The following AMDHD1 variants were observed in gnomAD, a reference collection of about 807,000 sequenced individuals.
AMDHD1 encodes the protein amidohydrolase domain containing 1, also known as probable imidazolonepropionase.
A neutral mutation model predicts 44.1 loss-of-function variants in AMDHD1; 45 were observed. That is an observed-to-expected ratio of 1.02 (90% confidence interval 0.80 to 1.31). The LOEUF is 1.31. Among genes scored for constraint, AMDHD1 ranks in the 50% most tolerant of loss-of-function variants. The pLI is 0.00. For missense variants in AMDHD1, 586 were observed against 552.1 expected (o/e 1.06, Z -0.61); for synonymous variants, 206 against 205.0 (o/e 1.00, Z -0.04).
chr12:95,964,279 C>G (rs1168034048), intron 6 of AMDHD1, among the ~76,000 whole-genome samples: 2 of 152,160 alleles, frequency 1.3e-5, no homozygotes, highest in African/African-American at 4.8e-5. Context: ...TTTTTCTGAT[C>G]TCTGCATCAG....
chr12:95,952,876 T>C, intron 2 of AMDHD1, 53 bp downstream of exon 2: 1 of 1,071,832 alleles, frequency 9.3e-7, no homozygotes, highest in Non-Finnish European at 1.4e-6. Context: ...CAGTTGCTCC[T>C]GAAATGTAAA....
chr12:95,963,086 C>T (rs979350323), intron 6 of AMDHD1, among the ~76,000 whole-genome samples: 1 of 152,206 alleles, frequency 6.6e-6, no homozygotes, highest in Non-Finnish European at 1.5e-5. Context: ...TCTTCTGACA[C>T]TTCCCATTGT....
intron 8 of AMDHD1, 112 bp from the exon 9 acceptor site, chr12:95,967,644 G>C: frequency 1.3e-6 from 1 of 795,082 alleles, no homozygotes; most frequent in Non-Finnish European, 1.9e-6. Flanking sequence ...CATTGACTGG[G>C]TGTAAATAAA....
In AMDHD1 at chr12:95,949,140, T is replaced by TAAAAA. The variant is rs1170844527; in HGVS notation, c.138-3562_138-3558dup. On this transcript the variant is annotated intron_variant, in intron 1 of 8. Coordinates refer to ENST00000266736, the MANE Select transcript of AMDHD1 (RefSeq NM_152435.3). ...AAGAATTATCAATAAAAAAATAAAT[T>TAAAAA]AAAAAAAAAAAAAAAAAAAGAAAAA... Among the ~76,000 whole-genome samples the TAAAAA allele has an allele frequency of 5.2e-3, 23 of 4,454 alleles. 1 individual carries two copies. Among genetic ancestry groups the TAAAAA allele is most frequent in the Non-Finnish European group, 6.0e-3 (19 of 3,154 alleles). The allele number at this position is 4,454 out of a possible 152,430, so 2.9% of individuals were successfully genotyped here. A position where few individuals can be genotyped will look rare whatever the true frequency, so the allele number is the denominator to read the frequency against.
At chr12:95,961,417 G>A (rs770911396) in intron 5 of AMDHD1, among the ~76,000 whole-genome samples, 105 of 152,230 alleles carry the variant, frequency 6.9e-4, no homozygotes, top group Non-Finnish European at 1.3e-3. Context: ...TGTGTGCCAG[G>A]CACTGTTTTA....
At chr12:95,944,239 A>G (rs1325296288) in intron 1 of AMDHD1, among the ~76,000 whole-genome samples, 2 of 152,190 alleles carry the variant, frequency 1.3e-5, no homozygotes, top group South Asian at 2.1e-4. Flanking sequence ...CACACGATCA[A>G]TGAGTCTCAC....
In AMDHD1 at chr12:95,944,390, C is replaced by T. The variant is rs568387519; in HGVS notation, c.137+855C>T. Among the ~76,000 whole-genome samples the T allele has an allele frequency of 7.4e-4, 111 of 150,428 alleles. 1 individual carries two copies. The highest frequency in any genetic ancestry group is 6.1e-3 in the South Asian group (29 of 4,744). The stretch of plus-strand genomic sequence containing the variant: ...TTATTTATTTTTGAGACGCATGAGC[C>T]ACTGCGCCCAGCCTATTTTTTGTTT... On this transcript the variant is annotated intron_variant, in intron 1 of 8. Transcript: ENST00000266736.
At position 95,968,510 on chromosome 12, in the gene AMDHD1, T is replaced by A. The variant is rs1367685628; in HGVS notation, c.*667T>A. 6.6e-6 allele frequency: 1 copy of A among 152,198 alleles called. No individual in the cohort carries two copies. Among genetic ancestry groups the A allele is most frequent in the Non-Finnish European group, 1.5e-5 (1 of 68,038 alleles). The allele number at this position is 152,198 out of a possible 1,614,324, so 9.4% of individuals were successfully genotyped here. ...TACAATCATGTAATTTTTTTGGAAA[T>A]TTTTTAAAATTTTCGATTCTTTACA... On this transcript the variant is annotated 3_prime_UTR_variant, in exon 9 of 9. Coordinates refer to ENST00000266736, the MANE Select transcript of AMDHD1 (RefSeq NM_152435.3).
chr12:95,951,857 C>A (rs1393130839), intron 1 of AMDHD1, among the ~76,000 whole-genome samples: 1 of 152,130 alleles, frequency 6.6e-6, no homozygotes, highest in South Asian at 2.1e-4. Context: ...TTTTCATATA[C>A]CTGTTTGCCA....
At chr12:95,952,571 GC>G (rs2080529898) in intron 1 of AMDHD1, 145 bp from the exon 2 acceptor site, 1 of 573,256 alleles carries the variant, frequency 1.7e-6, no homozygotes, top group Non-Finnish European at 3.1e-6. Context: ...GGCTAGAGAC[GC>G]TTTTCCAGAC....
rs144167274 is a variant in AMDHD1, at chr12:95,962,413, G to A, written c.872G>A (p.Gly291Asp). ...CACCTGGAAGAAGTGAGTGATGAAG[G>A]CATCGTTGCCATGGCAACGGCCAGG... Reference protein sequence around the residue: ...ISHLEEVSDEGIVAMATARCS... With the variant: ...ISHLEEVSDEDIVAMATARCS... Residue 291 changes from glycine to aspartate, a missense_variant, in exon 6 of 9, where the codon GGC (glycine) becomes GAC (aspartate). Physicochemically the swap from Gly to Asp is moderately conservative, Grantham distance 94. Transcript: ENST00000266736. 1 of 1,613,910 alleles carries A rather than the reference G, an allele frequency of 6.2e-7. No homozygotes were observed. Among genetic ancestry groups the A allele is most frequent in the Non-Finnish European group, 8.5e-7 (1 of 1,179,902 alleles).
chr12:95,953,421 A>G (rs185531541), intron 2 of AMDHD1, among the ~76,000 whole-genome samples: 2 of 152,242 alleles, frequency 1.3e-5, no homozygotes, highest in Non-Finnish European at 2.9e-5. Flanking sequence ...ATCATCTCCT[A>G]CATTATGTTG....
intron 1 of AMDHD1, among the ~76,000 whole-genome samples, chr12:95,943,970 A>C (rs908188458): frequency 2.0e-5 from 3 of 152,072 alleles, no homozygotes; most frequent in Non-Finnish European, 2.9e-5. Context: ...GAGTTCTGAG[A>C]CCTGAATTTT....
At chr12:95,967,735 T>TG (rs1491305788) in intron 8 of AMDHD1, 21 bp from the exon 9 acceptor site, 5 of 1,273,792 alleles carry the variant, frequency 3.9e-6, no homozygotes, top group African/African-American at 4.3e-5. Context: ...TAATATTTGT[T>TG]GTTTTTTTTT....
In AMDHD1 at chr12:95,965,667, A is replaced by C. The variant is rs754650753; in HGVS notation, c.939-19A>C. The C allele has an allele frequency of 1.9e-6, 3 of 1,578,962 alleles. No homozygotes were observed. Among genetic ancestry groups the C allele is most frequent in the Non-Finnish European group, 2.6e-6 (3 of 1,154,556 alleles). On this transcript the variant is annotated intron_variant, in intron 6 of 8. Transcript: ENST00000266736. ...AAGCTCCCATTCTAGAGACTGACATATTTTTTTCCTCCCCTTAGACTGAAA... is the reference window on the plus strand; with the variant it reads ...AAGCTCCCATTCTAGAGACTGACATCTTTTTTTCCTCCCCTTAGACTGAAA...
At position 95,962,482 on chromosome 12, in the gene AMDHD1, A is replaced by G. The variant is rs749708765; in HGVS notation, c.938+3A>G. The G allele has an allele frequency of 1.0e-5, 16 of 1,563,632 alleles. No individual in the cohort carries two copies. In the East Asian group the frequency reaches 3.6e-4, roughly 35 times the overall value. ...CCCACCACAGCCTACATGCTGAGGTAAGGTCGTTTCTCACCCCAGACCAAG... is the reference window on the plus strand; with the variant it reads ...CCCACCACAGCCTACATGCTGAGGTGAGGTCGTTTCTCACCCCAGACCAAG... On this transcript the variant is annotated splice_donor_region_variant and intron_variant, in intron 6 of 8. Transcript: ENST00000266736.
intron 1 of AMDHD1, among the ~76,000 whole-genome samples, chr12:95,950,778 T>C (rs1233772752): frequency 6.6e-6 from 1 of 152,144 alleles, no homozygotes; most frequent in South Asian, 2.1e-4. Flanking sequence ...GGCTAGACCT[T>C]AGTCTCATAG....
At chr12:95,967,068 A>G (rs940201123) in intron 8 of AMDHD1, among the ~76,000 whole-genome samples, 1 of 152,228 alleles carries the variant, frequency 6.6e-6, no homozygotes, top group African/African-American at 2.4e-5. Context: ...ATCGACTCAC[A>G]GTTCTACATG....
At chr12:95,954,361 A>C (rs1043233711) in intron 2 of AMDHD1, among the ~76,000 whole-genome samples, 4 of 152,020 alleles carry the variant, frequency 2.6e-5, no homozygotes, top group African/African-American at 9.7e-5. Flanking sequence ...TTGGAGGCTG[A>C]GGCAGGCAGA....
Sources: gnomAD v4.1 joint callset for allele counts (sites outside exome capture counted in the v4.1 genomes callset) on GRCh38, gnomAD v4.1.1 for gene constraint, MANE v1.5 for transcripts, NCBI Gene and HGNC (gene_info 2026-07-23, HGNC 2026-07-21) for gene names.